Variants in NFIC observed in about 807,000 individuals in gnomAD.
NFIC encodes nuclear factor I C.
A neutral mutation model predicts 54.4 loss-of-function variants in NFIC; 12 were observed. The observed-to-expected ratio is 0.22, with a 90% CI of 0.14 to 0.36. The LOEUF (loss-of-function observed/expected upper bound fraction) is 0.36, where lower values mean the gene tolerates loss of function less well. NFIC is among the 10% of genes least tolerant of loss of function. The pLI is 1.00. For synonymous variants in NFIC, 322 were observed against 319.2 expected, an observed-to-expected ratio of 1.01 and a Z score of -0.09; for missense variants, 575 against 718.2, an observed-to-expected ratio of 0.80 and a Z score of 2.28.
chr19:3,426,919 C>G (rs1295343380), intron 3 of NFIC, among the ~76,000 whole-genome samples: 1 of 151,636 alleles, frequency 6.6e-6, no homozygotes, highest in African/African-American at 2.4e-5. Context: ...TCTGGCTACC[C>G]TCAATCTTTT....
intron 7 of NFIC, among the ~76,000 whole-genome samples, chr19:3,451,938 G>A (rs944183862): frequency 3.3e-5 from 5 of 151,924 alleles, no homozygotes; most frequent in South Asian, 2.1e-4. Flanking sequence ...CCAACATGGC[G>A]AAACCCCATC....
In NFIC at chr19:3,456,569, G is replaced by A. The variant is rs936679469; in HGVS notation, c.1443G>A (p.Thr481=). The part of the protein sequence containing the change: ...PTSPSYSPPD[T]SPANRSFVGL... The stretch of plus-strand genomic sequence containing the variant: ...CTGCAGCCTACTCTCCGCCCGACAC[G>A]TCCCCTGCAAACCGTTCCTTTGTGG... The change falls in exon 10 of 11, where the codon ACG becomes ACA. Residue 481 remains threonine (T), a synonymous_variant. Transcript: ENST00000443272. 45 of 1,553,370 alleles carry A rather than the reference G, an allele frequency of 2.9e-5. No homozygotes were observed. Among genetic ancestry groups the A allele is most frequent in the Middle Eastern group, 1.7e-4 (1 of 6,014 alleles).
In NFIC at chr19:3,465,671, C is replaced by T. The variant is rs899303189; in HGVS notation, c.*2902C>T. ...ACAGACCTCCGGGGCCCATCTTGGC[C>T]CTGGGAAAGGGCTCTCCTCTCTGAT... On this transcript the variant is annotated 3_prime_UTR_variant, in exon 11 of 11. Coordinates refer to ENST00000443272, the MANE Select transcript of NFIC (RefSeq NM_001245002.2). 6.6e-6 allele frequency: 1 copy of T among 152,194 alleles called. No homozygotes were observed. The highest frequency in any genetic ancestry group is 1.5e-5 in the Non-Finnish European group (1 of 68,062). 9.4% of individuals were successfully genotyped at this position (152,194 alleles called of 1,614,324 possible). A position where few individuals can be genotyped will look rare whatever the true frequency, so the allele number is the denominator to read the frequency against.
intron 2 of NFIC, among the ~76,000 whole-genome samples, chr19:3,408,046 C>G (rs574607454): frequency 1.5e-3 from 232 of 152,220 alleles, no homozygotes; most frequent in Middle Eastern, 0.014. Context: ...GGCTTTGGTT[C>G]TCTCTTTAGC....
chr19:3,468,361 A>T lies in NFIC; in HGVS notation c.*5592A>T, dbSNP rs1469277039. ...CTGGCTGGAAGAGAGCCCTCCAAAA[A>T]GGGGACACAGGCTGCCCCGGCCCCT... On this transcript the variant is annotated 3_prime_UTR_variant, in exon 11 of 11. Coordinates refer to ENST00000443272, the MANE Select transcript of NFIC (RefSeq NM_001245002.2). 6.6e-6 allele frequency: 1 copy of T among 152,142 alleles called. No homozygotes were observed. The highest frequency in any genetic ancestry group is 1.5e-5 in the Non-Finnish European group (1 of 68,066). The allele number at this position is 152,142 out of a possible 1,614,324, so 9.4% of individuals were successfully genotyped here.
At chr19:3,417,028 C>T (rs543036099) in intron 2 of NFIC, among the ~76,000 whole-genome samples, 7 of 150,232 alleles carry the variant, frequency 4.7e-5, no homozygotes, top group African/African-American at 7.2e-5. Context: ...GGACTACAGG[C>T]GCCCGCCACC....
chr19:3,420,556 A>AAAATAAATAAAT (rs374927099), intron 2 of NFIC, among the ~76,000 whole-genome samples: 70,721 of 142,406 alleles, frequency 0.5, 19,057 homozygotes, highest in East Asian at 0.62. Flanking sequence ...CCATCTCAAA[A>AAAATAAATAAAT]AAATAAATAA....
rs966027705 is a variant in NFIC, at chr19:3,453,641, G to A, written c.1270-122G>A. On this transcript the variant is annotated intron_variant, in intron 8 of 10. Coordinates refer to ENST00000443272, the MANE Select transcript of NFIC (RefSeq NM_001245002.2). This position sits in a 1 kb window ranked among gnomAD's most constrained non-coding sequence, Gnocchi z 6.7. ...CCAAACCCGCCATGGTCACACCCGC[G>A]CCCTGGCCCCCCAGCCTGCCACCCC... is the stretch of plus-strand genomic sequence containing the variant. 195 of 1,338,274 alleles carry A rather than the reference G, an allele frequency of 1.5e-4. No individual in the cohort carries two copies. Among genetic ancestry groups the A allele is most frequent in the Non-Finnish European group, 1.8e-4 (184 of 1,008,888 alleles). 82.9% of individuals were successfully genotyped at this position (1,338,274 alleles called of 1,614,324 possible). A position where few individuals can be genotyped will look rare whatever the true frequency, so the allele number is the denominator to read the frequency against.
Position 3,366,670 on chromosome 19 carries a change from C to G in NFIC, c.30+4C>G, listed in dbSNP as rs1342209854. Reference sequence around the variant, plus strand: ...GTCCCCGCTCTGCCTCACCCAGGTACGGTCCTCGCCCGGCCCCCCGCCGGC... The same window carrying G: ...GTCCCCGCTCTGCCTCACCCAGGTAGGGTCCTCGCCCGGCCCCCCGCCGGC... On this transcript the variant is annotated splice_donor_region_variant and intron_variant, in intron 1 of 10. Transcript: ENST00000443272. The G allele has an allele frequency of 1.4e-6, 2 of 1,424,492 alleles. No homozygotes were observed. The highest frequency in any genetic ancestry group is 1.8e-6 in the Non-Finnish European group (2 of 1,086,468). 88.2% of individuals were successfully genotyped at this position (1,424,492 alleles called of 1,614,324 possible).
At chr19:3,462,531 A>C (rs1005765441) in intron 10 of NFIC, among the ~76,000 whole-genome samples, 1 of 152,172 alleles carries the variant, frequency 6.6e-6, no homozygotes, top group South Asian at 2.1e-4. Flanking sequence ...TTCACTGGGC[A>C]TCCTGTACTG....
intron 2 of NFIC, among the ~76,000 whole-genome samples, chr19:3,389,859 C>T (rs1270075112): frequency 2.0e-5 from 3 of 152,274 alleles, no homozygotes; most frequent in Middle Eastern, 3.4e-3. Flanking sequence ...TGGTGCATGC[C>T]TGTAATCCCA....
At chr19:3,419,577 T>C (rs2081921229) in intron 2 of NFIC, among the ~76,000 whole-genome samples, 1 of 151,968 alleles carries the variant, frequency 6.6e-6, no homozygotes, top group Non-Finnish European at 1.5e-5. Context: ...GAGACCAGCC[T>C]GGCCAACTTG....
intron 3 of NFIC, among the ~76,000 whole-genome samples, chr19:3,432,474 C>T (rs1334696386): frequency 2.0e-5 from 3 of 152,058 alleles, no homozygotes; most frequent in Non-Finnish European, 4.4e-5. Flanking sequence ...CGAAGGGTGA[C>T]AGTGTGTAAA....
In NFIC at chr19:3,449,084, T is replaced by A. The variant is rs117114356; in HGVS notation, c.1029T>A (p.Ser343=). The change falls in exon 7 of 11, where the codon TCT becomes TCA. Residue 343 remains serine (S), a synonymous_variant. Transcript: ENST00000443272. ...TCAACAGCCCGTCCCCCCAGGACTC[T>A]CCCCGCCTCTCCAGCTTCACCCAGC... ...SPFNSPSPQD[S]PRLSSFTQHH... 5.2e-4 allele frequency: 808 copies of A among 1,565,230 alleles called. 2 individuals are homozygous for A. Among genetic ancestry groups the A allele is most frequent in the Non-Finnish European group, 6.4e-4 (737 of 1,155,810 alleles).
In NFIC at chr19:3,449,145, C is replaced by T. The variant is rs376526188; in HGVS notation, c.1084+6C>T. 3.2e-5 allele frequency: 52 copies of T among 1,608,308 alleles called. 1 individual carries two copies. The highest frequency in any genetic ancestry group is 2.8e-4 in the African/African-American group (21 of 74,856). On this transcript the variant is annotated splice_donor_region_variant and intron_variant, in intron 7 of 10. Coordinates refer to ENST00000443272, the MANE Select transcript of NFIC (RefSeq NM_001245002.2). ...CGTCATCGCCGTGCACAGCGGTAAG[C>T]GCCACGGGCCCCTGGCGGGGAGGGG...
chr19:3,390,441 G>C (rs929430932), intron 2 of NFIC, among the ~76,000 whole-genome samples: 1 of 152,222 alleles, frequency 6.6e-6, no homozygotes, highest in Admixed American at 6.5e-5. Context: ...GAGCTGAACA[G>C]AGTGTCAGGG....
chr19:3,430,156 G>A (rs1361123946), intron 3 of NFIC, among the ~76,000 whole-genome samples: 1 of 151,968 alleles, frequency 6.6e-6, no homozygotes, highest in Non-Finnish European at 1.5e-5. Context: ...AAATGTGCAT[G>A]ATGTACAATG....
chr19:3,370,583 C>A lies in NFIC; in HGVS notation c.30+3917C>A, dbSNP rs945421523. The stretch of plus-strand genomic sequence containing the variant: ...TCTCTGTCTCCCTTTCCGTCTTTCC[C>A]TCTTCCTTTCTCTCTCTCTCCCCGT... On this transcript the variant is annotated intron_variant, in intron 1 of 10. Coordinates refer to ENST00000443272, the MANE Select transcript of NFIC (RefSeq NM_001245002.2). This position sits in a 1 kb window ranked among gnomAD's most constrained non-coding sequence, Gnocchi z 5.2. 2.0e-5 allele frequency among the ~76,000 whole-genome samples: 3 copies of A among 149,988 alleles called. No homozygotes were observed. Among genetic ancestry groups the A allele is most frequent in the African/African-American group, 7.4e-5 (3 of 40,680 alleles).
At chr19:3,368,247 G>A (rs375451201) in intron 1 of NFIC, among the ~76,000 whole-genome samples, 3 of 152,204 alleles carry the variant, frequency 2.0e-5, no homozygotes, top group Non-Finnish European at 4.4e-5. Flanking sequence ...TGAGCGGAGG[G>A]GAGGCTGTTC....
Sources: allele counts gnomAD v4.1 joint callset (sites outside exome capture counted in the v4.1 genomes callset), GRCh38; gene constraint gnomAD v4.1.1; non-coding constraint Gnocchi (gnomAD v3.1); transcripts MANE v1.5; gene names NCBI Gene and HGNC (gene_info 2026-07-23, HGNC 2026-07-21).